FARSB: variants seen among roughly 807,000 people sequenced by gnomAD.
FARSB encodes the protein phenylalanine--tRNA ligase beta subunit.
Under a neutral mutation model 69.6 loss-of-function variants are expected in FARSB, and 40 were observed. That is an observed-to-expected ratio of 0.57 (90% confidence interval 0.45 to 0.75). FARSB has a LOEUF of 0.75. Among genes scored for constraint, FARSB ranks in the 30% least tolerant of loss-of-function variants. The pLI, the probability that FARSB is intolerant of heterozygous loss-of-function variation, is 0.00. For missense variants in FARSB, 632 were observed against 722.9 expected (o/e 0.87, Z 1.44); for synonymous variants, 235 against 247.2 (o/e 0.95, Z 0.46).
At chr2:222,646,151 G>C (rs928160940) in intron 2 of FARSB, among the ~76,000 whole-genome samples, 7 of 152,108 alleles carry the variant, frequency 4.6e-5, no homozygotes, top group African/African-American at 1.7e-4. Context: ...ATTCCGACTA[G>C]ATTACCAAAT....
intron 13 of FARSB, among the ~76,000 whole-genome samples, chr2:222,623,373 G>A (rs1183830917): frequency 6.6e-6 from 1 of 152,124 alleles, no homozygotes; most frequent in African/African-American, 2.4e-5. Context: ...AATACATTGT[G>A]AACTCTCAAC....
Position 222,633,186 on chromosome 2 carries a change from TA to T in FARSB, c.715+12del. 8.3e-7 allele frequency: 1 copy of T among 1,210,452 alleles called. No individual in the cohort carries two copies. Among genetic ancestry groups the T allele is most frequent in the Non-Finnish European group, 1.2e-6 (1 of 812,504 alleles). The allele number at this position is 1,210,452 out of a possible 1,614,324, so 75.0% of individuals were successfully genotyped here. On this transcript the variant is annotated intron_variant, in intron 7 of 16. Transcript: ENST00000281828. ...AAACAGCAAAGATCTGTGATGCTTA[TA>T]AAATAACTCACCATTGATGATGGGA...
At chr2:222,582,667 G>A (rs1157477756) in intron 16 of FARSB, among the ~76,000 whole-genome samples, 1 of 152,144 alleles carries the variant, frequency 6.6e-6, no homozygotes, top group Non-Finnish European at 1.5e-5. Context: ...GCTCACGCCT[G>A]TAACCCCAGC....
intron 1 of FARSB, among the ~76,000 whole-genome samples, chr2:222,655,558 A>G (rs1692151450): frequency 1.3e-5 from 2 of 152,220 alleles, no homozygotes; most frequent in African/African-American, 2.4e-5. Flanking sequence ...TGCCTGACAC[A>G]TAACAGGCGC....
chr2:222,633,944 T>C lies in FARSB; in HGVS notation c.606+447A>G, dbSNP rs76878621. On this transcript the variant is annotated intron_variant, in intron 6 of 16. Coordinates refer to ENST00000281828, the MANE Select transcript of FARSB (RefSeq NM_005687.5). ...TTGCAAATCAGGGCAAGGATGACCC[T>C]GCTTTTTCTAAACGACACCTATTTT... 7.4e-3 allele frequency among the ~76,000 whole-genome samples: 1,125 copies of C among 152,300 alleles called. 15 individuals carry two copies. The highest frequency in any genetic ancestry group is 0.025 in the African/African-American group (1,043 of 41,568).
At chr2:222,623,903 A>G (rs1691203512) in intron 12 of FARSB, among the ~76,000 whole-genome samples, 173 bp from the exon 13 acceptor site, 1 of 151,788 alleles carries the variant, frequency 6.6e-6, no homozygotes, top group Non-Finnish European at 1.5e-5. Context: ...TATCAATATT[A>G]CCTCCTCCCT....
chr2:222,605,244 G>T (rs1025343317), intron 15 of FARSB, among the ~76,000 whole-genome samples: 2 of 147,410 alleles, frequency 1.4e-5, no homozygotes, highest in African/African-American at 5.1e-5. Context: ...AAAATGAAAC[G>T]AAACAGAACT....
intron 2 of FARSB, among the ~76,000 whole-genome samples, chr2:222,648,169 A>G (rs148448441): frequency 1.3e-5 from 2 of 152,336 alleles, no homozygotes; most frequent in African/African-American, 2.4e-5. Context: ...ATTAAAATGT[A>G]TAGCCGACTT....
rs771168861 is a variant in FARSB at position 222,600,065 on chromosome 2, T to C, written c.1481A>G (p.Tyr494Cys). 4 of 1,606,708 alleles carry C rather than the reference T, an allele frequency of 2.5e-6. No homozygotes were observed. Among genetic ancestry groups the C allele is most frequent in the South Asian group, 1.1e-5 (1 of 89,410 alleles). ...GTAATAAACAGCACAGAGATGTCTG[T>C]AGTTTTTTGCACCTACATCTAGAAA... ...DSNTDVGAKN[Y>C]RHLCAVYYNK... Residue 494 changes from tyrosine to cysteine, a missense_variant, in exon 16 of 17, where the codon TAC (tyrosine) becomes TGC (cysteine). Tyr to Cys is a radical substitution (Grantham distance 194). Transcript: ENST00000281828.
intron 15 of FARSB, among the ~76,000 whole-genome samples, chr2:222,600,574 G>A (rs933117466): frequency 9.9e-5 from 15 of 152,242 alleles, no homozygotes; most frequent in East Asian, 1.9e-4. Context: ...GATACTAAGC[G>A]GCTATTAGAA....
chr2:222,637,144 A>T (rs1404982142), intron 5 of FARSB, among the ~76,000 whole-genome samples: 1 of 152,212 alleles, frequency 6.6e-6, no homozygotes, highest in Non-Finnish European at 1.5e-5. Flanking sequence ...ACAGAATAAC[A>T]CACTAGATTT....
At chr2:222,578,866 C>T (rs1280104459) in intron 16 of FARSB, among the ~76,000 whole-genome samples, 1 of 151,844 alleles carries the variant, frequency 6.6e-6, no homozygotes, top group East Asian at 1.9e-4. Context: ...CCTGTAGTCC[C>T]AGCTACTCAG....
At chr2:222,648,226 A>G (rs1691921109) in intron 2 of FARSB, among the ~76,000 whole-genome samples, 1 of 152,182 alleles carries the variant, frequency 6.6e-6, no homozygotes, top group African/African-American at 2.4e-5. Flanking sequence ...AGTCAAAGAA[A>G]ATGCTTCCTC....
chr2:222,650,398 A>C (rs1427935358), intron 1 of FARSB, among the ~76,000 whole-genome samples: 1 of 152,216 alleles, frequency 6.6e-6, no homozygotes, highest in Non-Finnish European at 1.5e-5. Flanking sequence ...CAGGGAGTCT[A>C]CTGCAATAGT....
intron 16 of FARSB, among the ~76,000 whole-genome samples, chr2:222,580,544 A>G (rs776159663): frequency 6.6e-6 from 1 of 152,188 alleles, no homozygotes; most frequent in African/African-American, 2.4e-5. Context: ...GAATCATTGT[A>G]TAGCTCCTTA....
chr2:222,595,668 G>A (rs778291767), intron 16 of FARSB, among the ~76,000 whole-genome samples: 6 of 151,988 alleles, frequency 3.9e-5, no homozygotes, highest in African/African-American at 1.5e-4. Context: ...TAGGTAACAA[G>A]CTAAAGGGGA....
At chr2:222,586,061 T>G (rs946416961) in intron 16 of FARSB, among the ~76,000 whole-genome samples, 1 of 152,016 alleles carries the variant, frequency 6.6e-6, no homozygotes, top group Non-Finnish European at 1.5e-5. Flanking sequence ...CATATAATTG[T>G]CAGATTCACC....
rs148395247 is a variant in FARSB, at chr2:222,577,656, A to T, written c.1619-5634T>A. Among the ~76,000 whole-genome samples, 230 of 152,344 alleles carry T rather than the reference A, an allele frequency of 1.5e-3. 1 individual carries two copies. The highest frequency in any genetic ancestry group is 0.013 in the Admixed American group (199 of 15,286). ...CACTACCTAGTCCTCTAAGTGATGG[A>T]GCAATGTCTTCAATAAACAACCATC... On this transcript the variant is annotated intron_variant, in intron 16 of 16. Transcript: ENST00000281828.
rs894679280 is a variant in FARSB, at chr2:222,635,161, A to C, written c.456-620T>G. ...TAATTTTAGGAAATTACAGCAAGCA[A>C]CAAAATAGGAGAGAAAGAAATAGAA... On this transcript the variant is annotated intron_variant, in intron 5 of 16. Coordinates refer to ENST00000281828, the MANE Select transcript of FARSB (RefSeq NM_005687.5). Among the ~76,000 whole-genome samples the C allele has an allele frequency of 3.3e-5, 5 of 152,352 alleles. No individual in the cohort carries two copies. In the South Asian group the frequency reaches 1.0e-3, roughly 32 times the overall value.
Sources: allele counts gnomAD v4.1 joint callset (sites outside exome capture counted in the v4.1 genomes callset), GRCh38; gene constraint gnomAD v4.1.1; transcripts MANE v1.5; gene names NCBI Gene and HGNC (gene_info 2026-07-23, HGNC 2026-07-21).